Variants in KDM2B observed in about 807,000 individuals in gnomAD.
The protein encoded by KDM2B is lysine demethylase 2B, also known as lysine-specific demethylase 2B.
In KDM2B, 26 loss-of-function variants were observed where a neutral mutation model predicts 150.0. The observed-to-expected ratio is 0.17, with a 90% CI of 0.13 to 0.24. The LOEUF is 0.24. KDM2B is among the 10% of genes least tolerant of loss of function. KDM2B has a pLI of 1.00. For missense variants in KDM2B, 1,265 were observed against 1,816.9 expected (o/e 0.70, Z 5.52); for synonymous variants, 734 against 729.5 (o/e 1.01, Z -0.10).
rs190506802 is a variant in KDM2B, at chr12:121,547,688, C to T, written c.683+1189G>A. On this transcript the variant is annotated intron_variant, in intron 6 of 22. Coordinates refer to ENST00000377071, the MANE Select transcript of KDM2B (RefSeq NM_032590.5). ...TTTTTGAGACAGAGTCTCGCTCTGT[C>T]GCCCAGGCTGGAGTGCAGTGGCTCA... Among the ~76,000 whole-genome samples, 921 of 143,138 alleles carry T rather than the reference C, an allele frequency of 6.4e-3. 7 individuals are homozygous for T. Among genetic ancestry groups the T allele is most frequent in the African/African-American group, 0.023 (876 of 38,336 alleles). The allele number at this position is 143,138 out of a possible 152,430, so 93.9% of individuals were successfully genotyped here. A position where few individuals can be genotyped will look rare whatever the true frequency, so the allele number is the denominator to read the frequency against.
intron 4 of KDM2B, among the ~76,000 whole-genome samples, chr12:121,565,517 AT>A (rs1890635288): frequency 6.6e-6 from 1 of 152,112 alleles, no homozygotes; most frequent in South Asian, 2.1e-4. Context: ...GAGTTTCTCC[AT>A]GTTACTCAGG....
chr12:121,445,217 C>G, intron 14 of KDM2B, 58 bp downstream of exon 14: 1 of 1,582,314 alleles, frequency 6.3e-7, no homozygotes, highest in Non-Finnish European at 8.6e-7. Context: ...ACCAGCATCT[C>G]CAGCAACCCT....
chr12:121,546,710 CTTTT>C (rs782586889), intron 6 of KDM2B, among the ~76,000 whole-genome samples: 1 of 127,796 alleles, frequency 7.8e-6, no homozygotes, highest in Non-Finnish European at 1.7e-5. Context: ...GCCTCTTTGT[CTTTT>C]TTTTTTTTTG....
At chr12:121,538,094 G>A (rs543401577) in intron 6 of KDM2B, among the ~76,000 whole-genome samples, 41 of 151,772 alleles carry the variant, frequency 2.7e-4, no homozygotes, top group Non-Finnish European at 4.3e-4. Flanking sequence ...TTCCTTCCGC[G>A]GGGAGCCGGG....
At chr12:121,515,769 C>T (rs1305218442) in intron 9 of KDM2B, among the ~76,000 whole-genome samples, 2 of 151,864 alleles carry the variant, frequency 1.3e-5, no homozygotes, top group African/African-American at 2.4e-5. Flanking sequence ...CTCCTCTCTC[C>T]GCCTGCACAC....
intron 3 of KDM2B, 39 bp from the exon 4 acceptor site, chr12:121,574,632 G>C (rs782361426): frequency 8.8e-6 from 14 of 1,598,890 alleles, no homozygotes; most frequent in Non-Finnish European, 1.1e-5. Context: ...TGAGAGGCCA[G>C]AAACAACAGA....
At chr12:121,480,795 C>G (rs941684230) in intron 12 of KDM2B, among the ~76,000 whole-genome samples, 1 of 151,862 alleles carries the variant, frequency 6.6e-6, no homozygotes, top group Non-Finnish European at 1.5e-5. Context: ...AACAAAAAAA[C>G]AGATACTCCT....
chr12:121,560,515 G>A (rs1364286784), intron 4 of KDM2B, among the ~76,000 whole-genome samples: 1 of 152,108 alleles, frequency 6.6e-6, no homozygotes, highest in Non-Finnish European at 1.5e-5. Flanking sequence ...TAGATCCCTG[G>A]GGTTTCCCTT....
At chr12:121,579,476 G>C in intron 1 of KDM2B, 1 of 690,774 alleles carries the variant, frequency 1.4e-6, no homozygotes, top group South Asian at 1.5e-5. Flanking sequence ...TGAAATGGAA[G>C]GGCTGAGACC....
At chr12:121,528,727 T>G (rs1488072782) in intron 8 of KDM2B, among the ~76,000 whole-genome samples, 7 of 151,794 alleles carry the variant, frequency 4.6e-5, no homozygotes, top group African/African-American at 1.4e-4. Flanking sequence ...ACCCCATCTC[T>G]ACTAAAAATA....
At chr12:121,563,651 G>A (rs1481246973) in intron 4 of KDM2B, among the ~76,000 whole-genome samples, 1 of 151,570 alleles carries the variant, frequency 6.6e-6, no homozygotes, top group Non-Finnish European at 1.5e-5. Flanking sequence ...AGGCACAGTG[G>A]CTCACGCCTG....
chr12:121,567,666 C>T (rs1555315212), intron 4 of KDM2B, among the ~76,000 whole-genome samples: 2 of 151,420 alleles, frequency 1.3e-5, no homozygotes, highest in African/African-American at 4.9e-5. Flanking sequence ...CCACTTTGAT[C>T]TCGGATTCCT....
rs782275565 is a variant in KDM2B at position 121,445,470 on chromosome 12, C to T, written c.1960-52G>A. On this transcript the variant is annotated intron_variant, in intron 13 of 22. Transcript: ENST00000377071. Reference sequence around the variant, plus strand: ...GTCATCAGGGGTGGGGAGCACGGACCCCCAGGGGGGCCAGTTCAAGGGCAA... The same window carrying T: ...GTCATCAGGGGTGGGGAGCACGGACTCCCAGGGGGGCCAGTTCAAGGGCAA... 10 of 1,521,010 alleles carry T rather than the reference C, an allele frequency of 6.6e-6. No homozygotes were observed. In the South Asian group the frequency reaches 1.1e-4, roughly 17 times the overall value. 94.2% of individuals were successfully genotyped at this position (1,521,010 alleles called of 1,614,324 possible). A position where few individuals can be genotyped will look rare whatever the true frequency, so the allele number is the denominator to read the frequency against.
intron 12 of KDM2B, among the ~76,000 whole-genome samples, chr12:121,490,141 G>C (rs185388575): frequency 1.3e-5 from 2 of 152,298 alleles, no homozygotes; most frequent in Admixed American, 6.5e-5. Context: ...GGGATGGAAC[G>C]GACCAACTTC....
chr12:121,536,850 G>A (rs1429856184), intron 6 of KDM2B, among the ~76,000 whole-genome samples: 1 of 152,058 alleles, frequency 6.6e-6, no homozygotes, highest in African/African-American at 2.4e-5. Flanking sequence ...TCGCCTCTTG[G>A]GCTGCGGGCC....
the KDM2B span, chr12:121,420,262 A>G: frequency 6.2e-7 from 1 of 1,606,108 alleles, no homozygotes; most frequent in Non-Finnish European, 8.5e-7. Context: ...AAATCACTTC[A>G]GCAAACACAG....
intron 12 of KDM2B, among the ~76,000 whole-genome samples, chr12:121,457,591 C>T (rs1878459296): frequency 6.6e-6 from 1 of 152,018 alleles, no homozygotes; most frequent in South Asian, 2.1e-4. Flanking sequence ...TCCACTCTGT[C>T]CTACCCCTGT....
chr12:121,550,860 GA>G (rs1205927000), intron 4 of KDM2B, among the ~76,000 whole-genome samples: 2 of 151,998 alleles, frequency 1.3e-5, no homozygotes, highest in Non-Finnish European at 2.9e-5. Flanking sequence ...AACGGAGGGG[GA>G]AAAATCAAAA....
Position 121,429,455 on chromosome 12 carries a change from C to A in KDM2B, c.*833G>T, listed in dbSNP as rs1872704352. On this transcript the variant is annotated 3_prime_UTR_variant, in exon 23 of 23. Coordinates refer to ENST00000377071, the MANE Select transcript of KDM2B (RefSeq NM_032590.5). ...TACAAGAGCTCATGCTGGAGCAGAA[C>A]CTCCTGAGTGCAAAGGCTGAAGTCG... 1 of 154,506 alleles carries A rather than the reference C, an allele frequency of 6.5e-6. No homozygotes were observed. Among genetic ancestry groups the A allele is most frequent in the Non-Finnish European group, 1.4e-5 (1 of 69,274 alleles). The allele number at this position is 154,506 out of a possible 1,614,324, so 9.6% of individuals were successfully genotyped here.
Sources: allele counts gnomAD v4.1 joint callset (sites outside exome capture counted in the v4.1 genomes callset), GRCh38; gene constraint gnomAD v4.1.1; transcripts MANE v1.5; gene names NCBI Gene and HGNC (gene_info 2026-07-23, HGNC 2026-07-21).